Variants in DOCK6 observed in about 807,000 individuals in gnomAD.
The protein encoded by DOCK6 is dedicator of cytokinesis protein 6.
A neutral mutation model predicts 230.3 loss-of-function variants in DOCK6; 167 were observed. The ratio of observed to expected loss-of-function variants is 0.73; its 90% confidence interval spans 0.64 to 0.82. The LOEUF is 0.82. DOCK6 is among the 40% of genes least tolerant of loss of function. The pLI, the probability that DOCK6 is intolerant of heterozygous loss-of-function variation, is 0.00. For missense variants in DOCK6, 2,598 were observed against 2,825.8 expected, an observed-to-expected ratio of 0.92 and a Z score of 1.83; for synonymous variants, 1,148 against 1,185.0, an observed-to-expected ratio of 0.97 and a Z score of 0.64.
In DOCK6 at chr19:11,217,104, CAG is replaced by C. The variant is rs773722585; in HGVS notation, c.3712-10_3712-9del. Reference sequence around the variant, plus strand: ...ACAGCCTGCGCGAGAAGCCTGGGGCCAGAGAGGAATCAAAGTCAATTTCCATT... The same window carrying C: ...ACAGCCTGCGCGAGAAGCCTGGGGCCAGAGGAATCAAAGTCAATTTCCATT... On this transcript the variant is annotated splice_polypyrimidine_tract_variant and intron_variant, in intron 29 of 47. Transcript: ENST00000294618. 4 of 1,607,486 alleles carry C rather than the reference CAG, an allele frequency of 2.5e-6. No individual in the cohort carries two copies. Among genetic ancestry groups the C allele is most frequent in the Middle Eastern group, 1.7e-4 (1 of 6,040 alleles).
intron 37 of DOCK6, among the ~76,000 whole-genome samples, chr19:11,209,979 A>AT (rs2079345113): frequency 1.4e-5 from 1 of 72,148 alleles, no homozygotes; most frequent in Non-Finnish European, 2.7e-5. Flanking sequence ...TCACCTGTCC[A>AT]CCCTCTCACC....
chr19:11,220,021 T>C (rs7260524), intron 28 of DOCK6, among the ~76,000 whole-genome samples: 146,279 of 151,492 alleles, frequency 0.97, 70,677 homozygotes, highest in East Asian at 1. Flanking sequence ...TGGCACAATC[T>C]CGGCTCACTG....
chr19:11,243,311 T>C lies in DOCK6; in HGVS notation c.1333A>G (p.Ser445Gly). ...GTGGCTGGACGGAAGCCAGAGAAGCTGCAGGCGTCGTCCCCACTACTCGCC... is the reference window on the plus strand; with the variant it reads ...GTGGCTGGACGGAAGCCAGAGAAGCCGCAGGCGTCGTCCCCACTACTCGCC... ...DRASSGDDAC[S>G]FSGFRPATLT... The change falls in exon 12 of 48, where the codon AGC (serine) becomes GGC (glycine). Residue 445 changes from serine (S) to glycine (G), a missense_variant. Transcript: ENST00000294618. The surrounding 1 kb of genome is among the most constrained non-coding windows in gnomAD (Gnocchi z 6.3). 6.2e-7 allele frequency: 1 copy of C among 1,601,976 alleles called. No individual in the cohort carries two copies. Among genetic ancestry groups the C allele is most frequent in the Non-Finnish European group, 8.5e-7 (1 of 1,175,012 alleles).
At chr19:11,257,244 G>A (rs918394626) in intron 1 of DOCK6, among the ~76,000 whole-genome samples, 9 of 151,124 alleles carry the variant, frequency 6.0e-5, no homozygotes, top group African/African-American at 1.5e-4. Context: ...TGATCTTCCC[G>A]CCTCAGCCTC....
rs941156036 is a variant in DOCK6, at chr19:11,250,756, G to A, written c.720+118C>T. 5.7e-5 allele frequency: 58 copies of A among 1,025,524 alleles called. No individual in the cohort carries two copies. The South Asian group carries it at 6.1e-4, about 11-fold the overall frequency. 63.5% of individuals were successfully genotyped at this position (1,025,524 alleles called of 1,614,324 possible). On this transcript the variant is annotated intron_variant, in intron 6 of 47. Coordinates refer to ENST00000294618, the MANE Select transcript of DOCK6 (RefSeq NM_020812.4). Reference sequence around the variant, plus strand: ...AGTAGGTGCCCAATAAACACTGATCGGATTAATACAGGTGTATATAGTAGA... The same window carrying A: ...AGTAGGTGCCCAATAAACACTGATCAGATTAATACAGGTGTATATAGTAGA...
Position 11,214,631 on chromosome 19 carries a change from T to C in DOCK6, c.4125A>G (p.Glu1375=). The stretch of plus-strand genomic sequence containing the variant: ...GGTTCCCTTCCACCAAGGCCTCGTG[T>C]TCCATTTCATCCTTGGTCCTGGAAG... ...DRVDKTKDEM[E]HEALVEGNLA... The change falls in exon 33 of 48, where the codon GAA becomes GAG. Residue 1375 remains glutamate (E), a synonymous_variant. Transcript: ENST00000294618. The C allele has an allele frequency of 6.2e-7, 1 of 1,613,762 alleles. No homozygotes were observed. The highest frequency in any genetic ancestry group is 8.5e-7 in the Non-Finnish European group (1 of 1,179,842).
At chr19:11,211,605 C>A (rs191866353) in intron 37 of DOCK6, among the ~76,000 whole-genome samples, 171 bp downstream of exon 37, 2 of 145,126 alleles carry the variant, frequency 1.4e-5, no homozygotes, top group East Asian at 4.1e-4. Flanking sequence ...ACCTGTCCCC[C>A]TCACCTGTCT....
In DOCK6 at chr19:11,209,018, G is replaced by T. The variant is rs1242548935; in HGVS notation, c.4837C>A (p.His1613Asn). ...MAGKHAELGN[H>N]AEAAQCMVHA... The stretch of plus-strand genomic sequence containing the variant: ...ACCATGCACTGGGCGGCCTCGGCGT[G>T]GTTGCCCAGCTCCGCGTGCTTCCCG... Residue 1613 changes from histidine to asparagine, a missense_variant, in exon 38 of 48, where the codon CAC (histidine) becomes AAC (asparagine). His to Asn is a moderately conservative substitution (Grantham distance 68). Transcript: ENST00000294618. 1.9e-6 allele frequency: 3 copies of T among 1,611,774 alleles called. No individual in the cohort carries two copies. Among genetic ancestry groups the T allele is most frequent in the African/African-American group, 2.7e-5 (2 of 74,858 alleles).
chr19:11,222,408 C>T lies in DOCK6; in HGVS notation c.3241-160G>A. ...TGGAGGTGACAGTGGGCATGGGTTTCAAGGCCAGAAGTGAGGGGCTGACGT... is the reference window on the plus strand; with the variant it reads ...TGGAGGTGACAGTGGGCATGGGTTTTAAGGCCAGAAGTGAGGGGCTGACGT... On this transcript the variant is annotated intron_variant, in intron 26 of 47. Coordinates refer to ENST00000294618, the MANE Select transcript of DOCK6 (RefSeq NM_020812.4). The surrounding 1 kb of genome is among the most constrained non-coding windows in gnomAD (Gnocchi z 4.0). 9.4e-7 allele frequency: 1 copy of T among 1,065,244 alleles called. No homozygotes were observed. Among genetic ancestry groups the T allele is most frequent in the African/African-American group, 1.6e-5 (1 of 62,948 alleles). 66.0% of individuals were successfully genotyped at this position (1,065,244 alleles called of 1,614,324 possible).
chr19:11,203,845 C>G (rs1393429040), intron 41 of DOCK6: 1 of 599,288 alleles, frequency 1.7e-6, no homozygotes, highest in Non-Finnish European at 2.9e-6. Context: ...GGAGGGGTGT[C>G]TCTGGAGAGC....
chr19:11,239,937 G>A (rs768937257), intron 14 of DOCK6: 5 of 1,577,982 alleles, frequency 3.2e-6, no homozygotes, highest in Non-Finnish European at 4.3e-6. Flanking sequence ...AGACTCAGGT[G>A]GGCACCGTAG....
chr19:11,243,011 G>A lies in DOCK6; in HGVS notation c.1480+48C>T. ...GGTGCTCTCAGTGTAGGTTTGTTGAGTGGCTGAGTGAGAGTGATACTTCTT... is the reference window on the plus strand; with the variant it reads ...GGTGCTCTCAGTGTAGGTTTGTTGAATGGCTGAGTGAGAGTGATACTTCTT... On this transcript the variant is annotated intron_variant, in intron 13 of 47. Transcript: ENST00000294618. This position sits in a 1 kb window ranked among gnomAD's most constrained non-coding sequence, Gnocchi z 6.3. 1 of 1,605,222 alleles carries A rather than the reference G, an allele frequency of 6.2e-7. No individual in the cohort carries two copies. Among genetic ancestry groups the A allele is most frequent in the Non-Finnish European group, 8.5e-7 (1 of 1,174,454 alleles).
At chr19:11,210,822 C>T (rs1033416231) in intron 37 of DOCK6, among the ~76,000 whole-genome samples, 1 of 151,412 alleles carries the variant, frequency 6.6e-6, no homozygotes, top group Non-Finnish European at 1.5e-5. Flanking sequence ...TTCATCTTCT[C>T]ATCTGGCCAT....
intron 14 of DOCK6, chr19:11,241,723 C>G (rs1443869484): frequency 1.3e-6 from 2 of 1,572,008 alleles, no homozygotes; most frequent in Non-Finnish European, 1.7e-6. Context: ...AATCATGCTG[C>G]AAGGAACACT....
chr19:11,235,859 C>A, intron 20 of DOCK6, 100 bp from the exon 21 acceptor site: 2 of 1,387,280 alleles, frequency 1.4e-6, no homozygotes, highest in Admixed American at 2.8e-5. Flanking sequence ...GGATCATGTG[C>A]TCATTAAGGG....
chr19:11,236,308 G>A lies in DOCK6; in HGVS notation c.2392+38C>T, dbSNP rs2079846006. The A allele has an allele frequency of 6.6e-7, 1 of 1,512,424 alleles. No homozygotes were observed. Among genetic ancestry groups the A allele is most frequent in the African/African-American group, 1.4e-5 (1 of 72,530 alleles). 93.7% of individuals were successfully genotyped at this position (1,512,424 alleles called of 1,614,324 possible). A position where few individuals can be genotyped will look rare whatever the true frequency, so the allele number is the denominator to read the frequency against. On this transcript the variant is annotated intron_variant, in intron 20 of 47. Coordinates refer to ENST00000294618, the MANE Select transcript of DOCK6 (RefSeq NM_020812.4). The surrounding 1 kb of genome is among the most constrained non-coding windows in gnomAD (Gnocchi z 5.2). ...GGACCTCAGGACTGAGAAGCCATGT[G>A]GATGGGGAAACTGAGGTCTGAGGCC...
chr19:11,227,542 G>A lies in DOCK6; in HGVS notation c.2815-65C>T, dbSNP rs967205287. 3.4e-5 allele frequency: 51 copies of A among 1,522,096 alleles called. No individual in the cohort carries two copies. In the East Asian group the frequency reaches 1.3e-3, roughly 37 times the overall value. 94.3% of individuals were successfully genotyped at this position (1,522,096 alleles called of 1,614,324 possible). A position where few individuals can be genotyped will look rare whatever the true frequency, so the allele number is the denominator to read the frequency against. On this transcript the variant is annotated intron_variant, in intron 23 of 47. Coordinates refer to ENST00000294618, the MANE Select transcript of DOCK6 (RefSeq NM_020812.4). ...GGCTGTGGGTAGGACTTGAAGGGCT[G>A]TGGGTGGGGCTTGAAGGGCTGTGGG...
chr19:11,252,120 G>C lies in DOCK6; in HGVS notation c.506C>G (p.Ser169Trp), dbSNP rs747032604. Residue 169 changes from serine to tryptophan, a missense_variant and splice_region_variant, in exon 5 of 48, where the codon TCG becomes TGG. Coordinates refer to ENST00000294618, the MANE Select transcript of DOCK6 (RefSeq NM_020812.4). ...SGDERSGPED[S>W]NDSRRGSGSP... Reference sequence around the variant, plus strand: ...GACCCCAGCCAGGGGCTTCCTCACCGAGTCCTCAGGGCCGGACCTCTCGTC... The same window carrying C: ...GACCCCAGCCAGGGGCTTCCTCACCCAGTCCTCAGGGCCGGACCTCTCGTC... The C allele has an allele frequency of 6.3e-7, 1 of 1,588,532 alleles. No homozygotes were observed. Among genetic ancestry groups the C allele is most frequent in the East Asian group, 2.3e-5 (1 of 43,644 alleles).
intron 34 of DOCK6, among the ~76,000 whole-genome samples, chr19:11,213,657 A>G (rs1320490506): frequency 1.4e-5 from 2 of 140,606 alleles, no homozygotes; most frequent in Non-Finnish European, 3.0e-5. Context: ...CTTGTCTCCC[A>G]GGCTGGAGTG....
Sources: gnomAD v4.1 joint callset for allele counts (sites outside exome capture counted in the v4.1 genomes callset) on GRCh38, gnomAD v4.1.1 for gene constraint, Gnocchi (gnomAD v3.1) non-coding constraint, MANE v1.5 for transcripts, NCBI Gene and HGNC (gene_info 2026-07-23, HGNC 2026-07-21) for gene names.